BCAR1: variants seen among roughly 807,000 people sequenced by gnomAD.
The protein encoded by BCAR1 is breast cancer anti-estrogen resistance protein 1.
A neutral mutation model predicts 67.6 loss-of-function variants in BCAR1; 30 were observed. That is an observed-to-expected ratio of 0.44 (90% CI 0.33 to 0.60). BCAR1 has a LOEUF of 0.60. Ranked by LOEUF, BCAR1 falls within the 20% of genes least tolerant of loss-of-function variation. The pLI is 0.02. For missense variants in BCAR1, 1,313 were observed against 1,222.3 expected, an observed-to-expected ratio of 1.07 and a Z score of -1.11; for synonymous variants, 626 against 556.7, an observed-to-expected ratio of 1.12 and a Z score of -1.75.
upstream of BCAR1, among the ~76,000 whole-genome samples, chr16:75,255,379 G>A (rs1318452573): frequency 5.9e-5 from 9 of 152,264 alleles, no homozygotes; most frequent in South Asian, 1.2e-3. Flanking sequence ...TCTCTGGAGG[G>A]CCAATGAGAG....
In BCAR1 at chr16:75,237,215, G is replaced by A. The variant is rs558331437; in HGVS notation, c.763C>T (p.Arg255Trp). Residue 255 changes from arginine (R) to tryptophan (W), a missense_variant, in exon 3 of 7, where the codon CGG (arginine) becomes TGG (tryptophan). By Grantham distance (101) the Arg-to-Trp change is moderately radical (BLOSUM62 -3). Coordinates refer to ENST00000162330, the MANE Select transcript of BCAR1 (RefSeq NM_014567.5). The stretch of plus-strand genomic sequence containing the variant: ...CCATACTGGCTGGGAAGCAGCCCCC[G>A]AACCGGGGGCACATCATAGATGTCC... Reference protein sequence around the residue: ...PQDIYDVPPVRGLLPSQYGQE... With the variant: ...PQDIYDVPPVWGLLPSQYGQE... The A allele has an allele frequency of 6.4e-6, 10 of 1,567,362 alleles. No homozygotes were observed. The highest frequency in any genetic ancestry group is 2.7e-5 in the African/African-American group (2 of 73,366).
In BCAR1 at chr16:75,235,441, C is replaced by T. The variant is rs776157526; in HGVS notation, c.1458G>A (p.Ala486=). 38 of 1,607,692 alleles carry T rather than the reference C, an allele frequency of 2.4e-5. No individual in the cohort carries two copies. Among genetic ancestry groups the T allele is most frequent in the Admixed American group, 3.3e-5 (2 of 59,722 alleles). ...HLLDLAGSAG[A]TGSWRSPSEP... ...CAGAGGGGCTACGCCAGCTCCCAGT[C>T]GCACCGGCGCTGCCTGCCAGGTCCA... The change falls in exon 5 of 7, where the codon GCG becomes GCA. Residue 486 remains alanine, a synonymous_variant. Coordinates refer to ENST00000162330, the MANE Select transcript of BCAR1 (RefSeq NM_014567.5).
At chr16:75,236,366 A>C in intron 4 of BCAR1, 1 of 333,058 alleles carries the variant, frequency 3.0e-6, no homozygotes, top group South Asian at 5.6e-5. Flanking sequence ...TGATACTGCC[A>C]CTGCCACCAC....
At chr16:75,264,052 G>C (rs2077957012) in intron 1 of BCAR1, 3 of 1,236,742 alleles carry the variant, frequency 2.4e-6, no homozygotes, top group Non-Finnish European at 1.0e-6. Context: ...GAGGGTAGGA[G>C]ATGACTCAGA....
At chr16:75,261,836 C>T (rs1199693896) in intron 1 of BCAR1, among the ~76,000 whole-genome samples, 2 of 152,248 alleles carry the variant, frequency 1.3e-5, no homozygotes, top group East Asian at 3.8e-4. Flanking sequence ...CCTCCCCACG[C>T]TGGCTGCCCA....
chr16:75,238,037 C>T (rs1021328476), intron 2 of BCAR1: 2 of 1,288,688 alleles, frequency 1.6e-6, no homozygotes, highest in South Asian at 1.2e-5. Flanking sequence ...AAGGATGAGG[C>T]CTAGTGGGGG....
At chr16:75,260,020 C>G (rs1413812703) in intron 1 of BCAR1, among the ~76,000 whole-genome samples, 2 of 151,988 alleles carry the variant, frequency 1.3e-5, no homozygotes, top group Non-Finnish European at 2.9e-5. Context: ...ATGGTGAAAC[C>G]CTGTCTCTAC....
chr16:75,256,217 C>A (rs145313431), upstream of BCAR1: 1 of 152,502 alleles, frequency 6.6e-6, no homozygotes, highest in Non-Finnish European at 1.5e-5. Flanking sequence ...CCTCATAACC[C>A]AGGCGTGTGC....
chr16:75,252,459 T>C (rs969588775), upstream of BCAR1: 4 of 1,413,512 alleles, frequency 2.8e-6, no homozygotes, highest in East Asian at 2.6e-5. Flanking sequence ...GGAGACAACC[T>C]TGGCTCTCCT....
chr16:75,235,663 C>T lies in BCAR1; in HGVS notation c.1236G>A (p.Val412=), dbSNP rs1173139942. 1 of 1,610,812 alleles carries T rather than the reference C, an allele frequency of 6.2e-7. No individual in the cohort carries two copies. Among genetic ancestry groups the T allele is most frequent in the Non-Finnish European group, 8.5e-7 (1 of 1,178,384 alleles). ...GGVVDSGVYA[V]PPPAEREAPA... ...GGGCTTCACGTTCAGCTGGGGGAGG[C>T]ACCGCATACACACCACTGTCGACCA... Residue 412 remains valine (V), a synonymous_variant, in exon 5 of 7, where the codon GTG becomes GTA. Transcript: ENST00000162330.
intron 1 of BCAR1, chr16:75,250,680 G>A (rs367722235): frequency 3.0e-6 from 3 of 985,522 alleles, no homozygotes; most frequent in South Asian, 4.7e-5. Context: ...TCGGTCCAGC[G>A]ATCAGCCTCT....
rs112060276 is a variant in BCAR1, at chr16:75,235,831, C to T, written c.1068G>A (p.Pro356=). The T allele has an allele frequency of 1.7e-3, 2,732 of 1,575,392 alleles. 39 individuals carry two copies. In the African/African-American group the frequency reaches 0.031, roughly 18 times the overall value. ...LVLAAPPPDS[P]PAEDVYDVPP... is the part of the protein sequence containing the mutation. The stretch of plus-strand genomic sequence containing the variant: ...GCACGTCATACACGTCCTCGGCCGG[C>T]GGGGAGTCTGGAGGGGGCGCAGCCA... The change falls in exon 5 of 7, where the codon CCG becomes CCA. Residue 356 remains proline, a synonymous_variant. Transcript: ENST00000162330.
At chr16:75,238,043 G>T (rs750347646) in intron 2 of BCAR1, 56 of 1,288,556 alleles carry the variant, frequency 4.3e-5, no homozygotes, top group South Asian at 3.0e-4. Context: ...GAGGCCTAGT[G>T]GGGGAAGTGG....
intron 1 of BCAR1, among the ~76,000 whole-genome samples, chr16:75,262,186 A>G (rs2077918893): frequency 6.6e-6 from 1 of 152,102 alleles, no homozygotes; most frequent in Admixed American, 6.6e-5. Flanking sequence ...CTCTGAGGAG[A>G]GTGGCTGAGA....
Position 75,233,871 on chromosome 16 carries a change from C to T in BCAR1, c.2075G>A (p.Gly692Asp), listed in dbSNP as rs896160385. Residue 692 changes from glycine (G) to aspartate (D), a missense_variant, in exon 6 of 7, where the codon GGC becomes GAC. This residue lies in a region of BCAR1 where 1,272 missense variants were observed against 1,137.5 expected (regional missense o/e 1.12). Transcript: ENST00000162330. Reference protein sequence around the residue: ...LLEKGSITRQGKSQLELQQLK... With the variant: ...LLEKGSITRQDKSQLELQQLK... ...CTGCTGCAACTCCAGCTGGCTCTTG[C>T]CCTGCCGCGTGATGCTGCCCTTTTC... 3.7e-6 allele frequency: 6 copies of T among 1,609,062 alleles called. No individual in the cohort carries two copies. The highest frequency in any genetic ancestry group is 1.7e-5 in the Admixed American group (1 of 59,336).
chr16:75,265,975 G>A (rs1422869394), intron 1 of BCAR1: 3 of 1,059,166 alleles, frequency 2.8e-6, no homozygotes, highest in Non-Finnish European at 3.4e-6. Flanking sequence ...CCCGGACGCC[G>A]GACTGTCCGG....
chr16:75,247,998 C>T, intron 1 of BCAR1: 1 of 1,056,364 alleles, frequency 9.5e-7, no homozygotes, highest in Non-Finnish European at 1.5e-6. Context: ...AGAGCTCTTT[C>T]CCACACAGCC....
Position 75,229,869 on chromosome 16 carries a change from T to A in BCAR1, c.2255A>T (p.Glu752Val), listed in dbSNP as rs1201519576. The stretch of plus-strand genomic sequence containing the variant: ...GTTGGTCAGTGTGGTCAGGTTGGCC[T>A]CACACTGCTCCAGGTAGAAGAGCAG... ...QLLLFYLEQCEANLTTLTNAV... is the reference protein window; with the variant it reads ...QLLLFYLEQCVANLTTLTNAV... Residue 752 changes from glutamate to valine, a missense_variant, in exon 7 of 7, where the codon GAG (glutamate) becomes GTG (valine). Coordinates refer to ENST00000162330, the MANE Select transcript of BCAR1 (RefSeq NM_014567.5). 6.2e-7 allele frequency: 1 copy of A among 1,613,186 alleles called. No individual in the cohort carries two copies. Among genetic ancestry groups the A allele is most frequent in the Non-Finnish European group, 8.5e-7 (1 of 1,179,938 alleles).
At chr16:75,266,132 C>T (rs2078005793) in intron 1 of BCAR1, 2 of 730,382 alleles carry the variant, frequency 2.7e-6, no homozygotes, top group Non-Finnish European at 3.4e-6. Context: ...CTCCGCTCCT[C>T]GCCGATCCCT....
Sources: gnomAD v4.1 joint callset for allele counts (sites outside exome capture counted in the v4.1 genomes callset) on GRCh38, gnomAD v4.1.1 for gene constraint, gnomAD v4.1.1 regional missense constraint, MANE v1.5 for transcripts, NCBI Gene and HGNC (gene_info 2026-07-23, HGNC 2026-07-21) for gene names.